Variants in KRT6A observed in about 807,000 individuals in gnomAD.
The protein encoded by KRT6A is keratin, type II cytoskeletal 6A.
A neutral mutation model predicts 48.6 loss-of-function variants in KRT6A; 28 were observed. The ratio of observed to expected loss-of-function variants is 0.58; its 90% CI spans 0.43 to 0.79. KRT6A has a LOEUF of 0.79. Among genes scored for constraint, KRT6A ranks in the 30% least tolerant of loss-of-function variants. The pLI is 0.00. For synonymous variants in KRT6A, 301 were observed against 294.2 expected (o/e 1.02, Z -0.24); for missense variants, 687 against 724.3 (o/e 0.95, Z 0.59).
In KRT6A at chr12:52,487,557, T is replaced by C. The variant is rs1063939; in HGVS notation, c.*163A>G. Reference sequence around the variant, plus strand: ...GTGAGCAATGGGTGCTCAGATGGTATAGAGAGAGAGAGAAGAAGTGAGGGC... The same window carrying C: ...GTGAGCAATGGGTGCTCAGATGGTACAGAGAGAGAGAGAAGAAGTGAGGGC... On this transcript the variant is annotated 3_prime_UTR_variant, in exon 9 of 9. Transcript: ENST00000330722. The C allele has an allele frequency of 2.4e-5, 19 of 777,098 alleles. 1 individual carries two copies. Among genetic ancestry groups the C allele is most frequent in the Admixed American group, 2.5e-5 (1 of 39,826 alleles). 48.1% of individuals were successfully genotyped at this position (777,098 alleles called of 1,614,324 possible).
rs646000 is a variant in KRT6A at position 52,491,059 on chromosome 12, A to G, written c.816+53T>C. The G allele has an allele frequency of 1.7e-3, 2,783 of 1,613,568 alleles. 52 individuals are homozygous for G. In the African/African-American group the frequency reaches 0.033, roughly 19 times the overall value. The stretch of plus-strand genomic sequence containing the variant: ...CCTCTCCCAGGGGAGCGAGGACACA[A>G]AGCCACTTCTCTCCTTCTAAATGAA... On this transcript the variant is annotated intron_variant, in intron 3 of 8. Coordinates refer to ENST00000330722, the MANE Select transcript of KRT6A (RefSeq NM_005554.4).
rs1938161214 is a variant in KRT6A, at chr12:52,487,347, AGT to A, written c.*371_*372del. 1.3e-5 allele frequency: 4 copies of A among 311,732 alleles called. No homozygotes were observed. Among genetic ancestry groups the A allele is most frequent in the Non-Finnish European group, 2.4e-5 (4 of 163,812 alleles). 19.3% of individuals were successfully genotyped at this position (311,732 alleles called of 1,614,324 possible). A position where few individuals can be genotyped will look rare whatever the true frequency, so the allele number is the denominator to read the frequency against. On this transcript the variant is annotated 3_prime_UTR_variant, in exon 9 of 9. Transcript: ENST00000330722. ...TTAGAGAGTTTGAGAGCCAGTGGAA[AGT>A]AAGTGGAAGTTGTTCTGAAATAAGC...
At position 52,491,527 on chromosome 12, in the gene KRT6A, C is replaced by G; in HGVS notation, c.750G>C (p.Lys250Asn). The G allele has an allele frequency of 1.9e-6, 3 of 1,614,148 alleles. No individual in the cohort carries two copies. The highest frequency in any genetic ancestry group is 2.5e-6 in the Non-Finnish European group (3 of 1,180,020). Residue 250 changes from lysine to asparagine, a missense_variant, in exon 2 of 9, where the codon AAG becomes AAC. Lys to Asn is a moderately conservative substitution (Grantham distance 94). Transcript: ENST00000330722. ...RGMQDLVEDF[K>N]NKYEDEINKR... ...ATTTCTCCTGTTTAACTCACTTGTTCTTGAAGTCCTCCACCAGGTCCTGCA... is the reference window on the plus strand; with the variant it reads ...ATTTCTCCTGTTTAACTCACTTGTTGTTGAAGTCCTCCACCAGGTCCTGCA...
intron 5 of KRT6A, chr12:52,490,330 G>A: frequency 1.1e-6 from 1 of 912,098 alleles, no homozygotes; most frequent in Non-Finnish European, 1.7e-6. Context: ...CAATCAGGGT[G>A]AAGCTAAATG....
At chr12:52,491,290 AG>A in intron 2 of KRT6A, 118 bp from the exon 3 acceptor site, 13 of 1,573,160 alleles carry the variant, frequency 8.3e-6, no homozygotes, top group Non-Finnish European at 1.1e-5. Context: ...TTCCTGCCAC[AG>A]AGAGCCTAAG....
At chr12:52,488,582 T>G in intron 6 of KRT6A, 34 bp from the exon 7 acceptor site, 1 of 1,612,208 alleles carries the variant, frequency 6.2e-7, no homozygotes, top group Non-Finnish European at 8.5e-7. Flanking sequence ...AAACTTGTCA[T>G]CCGGTCTTCC....
rs766876318 is a variant in KRT6A, at chr12:52,487,757, G to T, written c.1658C>A (p.Thr553Asn). The change falls in exon 9 of 9, where the codon ACC becomes AAC. Residue 553 changes from threonine (T) to asparagine (N), a missense_variant. Thr to Asn is a moderately conservative substitution (Grantham distance 65). Transcript: ENST00000330722. ...GCTCTTCCTGCTGGAGGAGGAGGTGGTGGTGTACTTGATGGTGGAACTGCC... is the reference window on the plus strand; with the variant it reads ...GCTCTTCCTGCTGGAGGAGGAGGTGTTGGTGTACTTGATGGTGGAACTGCC... ...GGGSSTIKYT[T>N]TSSSSRKSYK... 6.8e-6 allele frequency: 11 copies of T among 1,614,002 alleles called. No homozygotes were observed. The East Asian group carries it at 2.5e-4, about 36-fold the overall frequency.
intron 5 of KRT6A, 113 bp from the exon 6 acceptor site, chr12:52,490,181 A>C: frequency 6.2e-7 from 1 of 1,602,302 alleles, no homozygotes; most frequent in South Asian, 1.1e-5. Context: ...CTTCTCCTCA[A>C]GAAACTTGAG....
chr12:52,488,176 G>A (rs1279890545), intron 7 of KRT6A, 73 bp from the exon 8 acceptor site: 36 of 1,613,718 alleles, frequency 2.2e-5, no homozygotes, highest in African/African-American at 2.7e-5. Context: ...GGGCAGCCTC[G>A]GTGGGTGGAA....
Position 52,490,618 on chromosome 12 carries a change from T to C in KRT6A, c.1028A>G (p.Glu343Gly), listed in dbSNP as rs1019851094. 6.2e-7 allele frequency: 1 copy of C among 1,614,162 alleles called. No individual in the cohort carries two copies. The highest frequency in any genetic ancestry group is 8.5e-7 in the Non-Finnish European group (1 of 1,180,038). ...CTCAGCCCGGCTTCTCTGAGCAATC[T>C]CCTCATATTGGGCCTTGACCTCAGC... ...IIAEVKAQYEEIAQRSRAEAE... is the reference protein window; with the variant it reads ...IIAEVKAQYEGIAQRSRAEAE... Residue 343 changes from glutamate to glycine, a missense_variant, in exon 5 of 9, where the codon GAG becomes GGG. Glu to Gly is a moderately conservative substitution (Grantham distance 98, BLOSUM62 -2). Transcript: ENST00000330722.
intron 6 of KRT6A, 105 bp downstream of exon 6, chr12:52,489,838 C>T: frequency 1.9e-6 from 3 of 1,584,742 alleles, no homozygotes; most frequent in East Asian, 2.3e-5. Flanking sequence ...GCCTCCTCTC[C>T]CTGGTTTTGA....
chr12:52,488,203 G>T, intron 7 of KRT6A, 100 bp from the exon 8 acceptor site: 1 of 1,612,994 alleles, frequency 6.2e-7, no homozygotes, highest in Non-Finnish European at 8.5e-7. Context: ...ATGGGAAACT[G>T]CTCTTTTAGT....
At chr12:52,491,348 A>G (rs918701939) in intron 2 of KRT6A, among the ~76,000 whole-genome samples, 174 bp downstream of exon 2, 1 of 151,962 alleles carries the variant, frequency 6.6e-6, no homozygotes, top group Non-Finnish European at 1.5e-5. Flanking sequence ...TAATCTCCCC[A>G]TCCTCCCATA....
chr12:52,490,941 C>T lies in KRT6A; in HGVS notation c.829G>A (p.Ala277Thr). The change falls in exon 4 of 9, where the codon GCC (alanine) becomes ACC (threonine). Residue 277 changes from alanine (A) to threonine (T), a missense_variant. Transcript: ENST00000330722. ...FVTLKKDVDA[A>T]YMNKVELQAK... is the part of the protein sequence containing the mutation. The stretch of plus-strand genomic sequence containing the variant: ...TGCAGTTCAACCTTGTTCATGTAGG[C>T]AGCATCCACATCCTGGGGAAAGAGC... The T allele has an allele frequency of 6.2e-7, 1 of 1,613,962 alleles. No individual in the cohort carries two copies. The highest frequency in any genetic ancestry group is 1.3e-5 in the African/African-American group (1 of 75,018).
Position 52,492,733 on chromosome 12 carries a change from G to A in KRT6A, c.456C>T (p.Ile152=), listed in dbSNP as rs1707767. 62 of 1,613,828 alleles carry A rather than the reference G, an allele frequency of 3.8e-5. No homozygotes were observed. Among genetic ancestry groups the A allele is most frequent in the Admixed American group, 1.0e-4 (6 of 59,972 alleles). Residue 152 remains isoleucine, a synonymous_variant, in exon 1 of 9, where the codon ATC becomes ATT. Coordinates refer to ENST00000330722, the MANE Select transcript of KRT6A (RefSeq NM_005554.4). The stretch of plus-strand genomic sequence containing the variant: ...CCCGCACCCGCTGGATGGTGGGATC[G>A]ATTTGCAGGTTGAGGGGAGTCAGGA... The part of the protein sequence containing the change: ...QSLLTPLNLQ[I]DPTIQRVRAE...
At chr12:52,491,790 T>C in intron 1 of KRT6A, 54 bp from the exon 2 acceptor site, 2 of 1,608,828 alleles carry the variant, frequency 1.2e-6, no homozygotes, top group Non-Finnish European at 1.7e-6. Context: ...AGAAAAAGTG[T>C]CTGGTATCCG....
rs1592186948 is a variant in KRT6A at position 52,493,232 on chromosome 12, A to G, written c.-44T>C. ...AGCTGAGGAGAGTGTGAGAGGCTGG[A>G]GGAGAGAGGGAAGAGAAGCAGGACT... On this transcript the variant is annotated 5_prime_UTR_variant, in exon 1 of 9. Transcript: ENST00000330722. 6.2e-7 allele frequency: 1 copy of G among 1,613,470 alleles called. No individual in the cohort carries two copies. The highest frequency in any genetic ancestry group is 8.5e-7 in the Non-Finnish European group (1 of 1,179,790).
At position 52,492,862 on chromosome 12, in the gene KRT6A, G is replaced by A. The variant is rs746138114; in HGVS notation, c.327C>T (p.Gly109=). 6.2e-7 allele frequency: 1 copy of A among 1,607,868 alleles called. No individual in the cohort carries two copies. The highest frequency in any genetic ancestry group is 1.3e-5 in the African/African-American group (1 of 74,284). ...GFGFGGGAGI[G]FGLGGGAGLA... ...GGCCGGCTCCACCACCCAGACCAAAGCCAATGCCGGCTCCACCACCGAAAC... is the reference window on the plus strand; with the variant it reads ...GGCCGGCTCCACCACCCAGACCAAAACCAATGCCGGCTCCACCACCGAAAC... The change falls in exon 1 of 9, where the codon GGC becomes GGT. Residue 109 remains glycine, a synonymous_variant. Transcript: ENST00000330722.
In KRT6A at chr12:52,490,678, T is replaced by A. The variant is rs1938243910; in HGVS notation, c.968A>T (p.Asp323Val). The change falls in exon 5 of 9, where the codon GAC becomes GTC. Residue 323 changes from aspartate (D) to valine (V), a missense_variant. Transcript: ENST00000330722. ...ISDTSVVLSM[D>V]NNRNLDLDSI... Reference sequence around the variant, plus strand: ...GTCCAGGTCCAGGTTGCGGTTGTTGTCCATGGACAGCACCACAGATGTGTC... The same window carrying A: ...GTCCAGGTCCAGGTTGCGGTTGTTGACCATGGACAGCACCACAGATGTGTC... 10 of 1,614,196 alleles carry A rather than the reference T, an allele frequency of 6.2e-6. No homozygotes were observed. The highest frequency in any genetic ancestry group is 8.5e-6 in the Non-Finnish European group (10 of 1,180,038).
Sources: gnomAD v4.1 joint callset for allele counts (sites outside exome capture counted in the v4.1 genomes callset) on GRCh38, gnomAD v4.1.1 for gene constraint, MANE v1.5 for transcripts, NCBI Gene and HGNC (gene_info 2026-07-23, HGNC 2026-07-21) for gene names.